The following WWOX variants were observed in gnomAD, a reference collection of about 807,000 sequenced individuals.
The protein encoded by WWOX is WW domain containing oxidoreductase, also known as WW domain-containing oxidoreductase.
WWOX carries 69 observed loss-of-function variants against 46.2 expected under a neutral mutation model. That is an observed-to-expected ratio of 1.49 (90% confidence interval 1.23 to 1.82). WWOX has a LOEUF of 1.82. WWOX is among the 40% of genes most tolerant of loss of function. The pLI is 0.00. For missense variants in WWOX, 919 were observed against 542.6 expected (o/e 1.69, Z -6.89); for synonymous variants, 359 against 202.6 (o/e 1.77, Z -6.56).
rs1555528822 is a variant in WWOX, at chr16:78,751,461, T to TATATA, written c.1056+318709_1056+318710insATATA. Among the ~76,000 whole-genome samples, 506 of 128,408 alleles carry TATATA rather than the reference T, an allele frequency of 3.9e-3. 5 individuals are homozygous for TATATA. Among genetic ancestry groups the TATATA allele is most frequent in the African/African-American group, 0.014 (480 of 33,424 alleles). 84.2% of individuals were successfully genotyped at this position (128,408 alleles called of 152,430 possible). On this transcript the variant is annotated intron_variant, in intron 8 of 8. Coordinates refer to ENST00000566780, the MANE Select transcript of WWOX (RefSeq NM_016373.4). The stretch of plus-strand genomic sequence containing the variant: ...AGATTATATATATATTTATCAGATT[T>TATATA]TATATATATATATATATATATATAT...
chr16:78,505,511 A>G (rs1187260901), intron 8 of WWOX, among the ~76,000 whole-genome samples: 1 of 151,960 alleles, frequency 6.6e-6, no homozygotes, highest in African/African-American at 2.4e-5. Flanking sequence ...GCCCAGGGAG[A>G]CTGTTCAAGC....
intron 5 of WWOX, among the ~76,000 whole-genome samples, chr16:78,173,986 G>C (rs1395439520): frequency 6.6e-6 from 1 of 152,008 alleles, no homozygotes; most frequent in African/African-American, 2.4e-5. Flanking sequence ...AGGTCGCACT[G>C]TCTCATGTGT....
intron 8 of WWOX, among the ~76,000 whole-genome samples, chr16:78,612,816 T>C (rs541793965): frequency 6.6e-6 from 1 of 152,304 alleles, no homozygotes; most frequent in Non-Finnish European, 1.5e-5. Flanking sequence ...GGCTACAATA[T>C]TTACTTTGCA....
At chr16:78,377,493 T>C (rs74609982) in intron 5 of WWOX, among the ~76,000 whole-genome samples, 8,056 of 152,306 alleles carry the variant, frequency 0.053, 285 homozygotes, top group East Asian at 0.12. Flanking sequence ...GCTTTACCTA[T>C]AGTTAACGTA....
At chr16:78,233,692 A>G (rs1414917674) in intron 5 of WWOX, among the ~76,000 whole-genome samples, 1 of 151,884 alleles carries the variant, frequency 6.6e-6, no homozygotes. Flanking sequence ...ACACCTGGCT[A>G]ATTTTTTTGT....
At chr16:78,832,776 G>C (rs968528859) in intron 8 of WWOX, among the ~76,000 whole-genome samples, 2 of 152,072 alleles carry the variant, frequency 1.3e-5, no homozygotes, top group African/African-American at 4.8e-5. Context: ...TTGGGGAGGC[G>C]CCTTTACAGA....
chr16:79,086,146 T>C (rs116823936), intron 8 of WWOX, among the ~76,000 whole-genome samples: 2,289 of 152,270 alleles, frequency 0.015, 62 homozygotes, highest in African/African-American at 0.052. Flanking sequence ...CTCAATGTTC[T>C]TTAAACGGAT....
chr16:78,342,686 G>A lies in WWOX; in HGVS notation c.517-44174G>A, dbSNP rs889974582. 1.0e-4 allele frequency among the ~76,000 whole-genome samples: 12 copies of A among 120,530 alleles called. 2 individuals are homozygous for A. Among genetic ancestry groups the A allele is most frequent in the African/African-American group, 3.4e-4 (12 of 35,466 alleles). 79.1% of individuals were successfully genotyped at this position (120,530 alleles called of 152,430 possible). ...GCATCAGAATCTGATTCCCAGGCATGCTTTCCACCATATGCATAGACATTT... is the reference window on the plus strand; with the variant it reads ...GCATCAGAATCTGATTCCCAGGCATACTTTCCACCATATGCATAGACATTT... On this transcript the variant is annotated intron_variant, in intron 5 of 8. Transcript: ENST00000566780.
chr16:79,017,108 C>G (rs1026116123), intron 8 of WWOX: 6 of 152,118 alleles, frequency 3.9e-5, no homozygotes, highest in African/African-American at 1.4e-4. Context: ...AGTTATCTAT[C>G]CATCCATCTC....
chr16:78,658,707 C>G (rs1408253463), intron 8 of WWOX, among the ~76,000 whole-genome samples: 3 of 152,090 alleles, frequency 2.0e-5, no homozygotes, highest in East Asian at 1.9e-4. Flanking sequence ...TATAGGGACT[C>G]AAGTCATTGG....
chr16:78,964,278 G>T (rs1404245734), intron 8 of WWOX, among the ~76,000 whole-genome samples: 4 of 152,216 alleles, frequency 2.6e-5, no homozygotes. Flanking sequence ...CTAGAGACTT[G>T]TTGAATGGCT....
intron 4 of WWOX, chr16:78,124,270 A>G (rs1367840865): frequency 1.3e-5 from 2 of 152,150 alleles, no homozygotes; most frequent in Non-Finnish European, 2.9e-5. Flanking sequence ...CACCAGAGTA[A>G]AGATATTTTG....
intron 8 of WWOX, among the ~76,000 whole-genome samples, chr16:78,753,012 G>C (rs1210242758): frequency 6.6e-6 from 1 of 152,120 alleles, no homozygotes; most frequent in Non-Finnish European, 1.5e-5. Context: ...TAATCTCTTA[G>C]GGCTGGGCAC....
intron 8 of WWOX, among the ~76,000 whole-genome samples, chr16:79,085,710 CA>C (rs547329816): frequency 1.2e-3 from 184 of 152,040 alleles, no homozygotes; most frequent in African/African-American, 4.2e-3. Context: ...TTACCAAAAC[CA>C]GTTACCCTAT....
intron 5 of WWOX, among the ~76,000 whole-genome samples, chr16:78,314,697 TTTTG>T (rs2080321965): frequency 5.9e-5 from 4 of 67,618 alleles, no homozygotes; most frequent in African/African-American, 3.5e-4. Flanking sequence ...GGTTTTTTTT[TTTTG>T]TTTTTTTTTT....
chr16:78,370,058 G>A (rs1410214227), intron 5 of WWOX, among the ~76,000 whole-genome samples: 1 of 148,488 alleles, frequency 6.7e-6, no homozygotes, highest in African/African-American at 2.5e-5. Flanking sequence ...CTTCAGCTTG[G>A]GAGCTGGAGC....
At chr16:78,386,647 T>G (rs2082067510) in intron 5 of WWOX, among the ~76,000 whole-genome samples, 1 of 3,774 alleles carries the variant, frequency 2.6e-4, no homozygotes. Flanking sequence ...CCCCCCAGCC[T>G]GTAGGTTTAG....
chr16:79,183,263 A>G (rs987575568), intron 8 of WWOX, among the ~76,000 whole-genome samples: 132 of 152,290 alleles, frequency 8.7e-4, no homozygotes, highest in African/African-American at 2.9e-3. Context: ...TGTAGGTACA[A>G]GGTCAAGGCT....
intron 8 of WWOX, among the ~76,000 whole-genome samples, chr16:78,455,526 C>T (rs1315365256): frequency 6.6e-6 from 1 of 151,006 alleles, no homozygotes; most frequent in Non-Finnish European, 1.5e-5. Context: ...GCCTGTAGTC[C>T]CAGCTACTCT....
Sources: gnomAD v4.1 joint callset for allele counts (sites outside exome capture counted in the v4.1 genomes callset) on GRCh38, gnomAD v4.1.1 for gene constraint, MANE v1.5 for transcripts, NCBI Gene and HGNC (gene_info 2026-07-23, HGNC 2026-07-21) for gene names.